ANKFN1: variants seen among roughly 807,000 people sequenced by gnomAD.
The protein encoded by ANKFN1 is ankyrin repeat and fibronectin type III domain containing 1.
ANKFN1 carries 74 observed loss-of-function variants against 108.7 expected under a neutral mutation model. The ratio of observed to expected loss-of-function variants is 0.68; its 90% CI spans 0.56 to 0.83. ANKFN1 has a LOEUF of 0.83. ANKFN1 is among the 40% of genes least tolerant of loss of function. ANKFN1 has a pLI of 0.00. For missense variants in ANKFN1, 1,505 were observed against 1,382.3 expected (o/e 1.09, Z -1.41); for synonymous variants, 547 against 516.2 (o/e 1.06, Z -0.81).
rs2051767245 is a variant in ANKFN1 at position 56,511,416 on chromosome 17, T to C, written c.*147T>C. The C allele has an allele frequency of 2.1e-6, 2 of 964,354 alleles. No individual in the cohort carries two copies. The highest frequency in any genetic ancestry group is 3.6e-5 in the South Asian group (2 of 55,622). 59.7% of individuals were successfully genotyped at this position (964,354 alleles called of 1,614,324 possible). On this transcript the variant is annotated 3_prime_UTR_variant, in exon 21 of 21. Transcript: ENST00000682825. ...AAAGGTTACAAGTTCAAGGTCCTCTTTTTTTGGAACAGAGTGGTGGGTGGA... is the reference window on the plus strand; with the variant it reads ...AAAGGTTACAAGTTCAAGGTCCTCTCTTTTTGGAACAGAGTGGTGGGTGGA...
intron 9 of ANKFN1, among the ~76,000 whole-genome samples, 157 bp downstream of exon 9, chr17:56,440,581 A>G (rs909652048): frequency 6.6e-5 from 10 of 152,202 alleles, no homozygotes; most frequent in African/African-American, 2.4e-4. Context: ...TAGAATCTGA[A>G]TTTCACAAAG....
intron 1 of ANKFN1, among the ~76,000 whole-genome samples, chr17:56,182,681 T>C (rs771703839): frequency 4.6e-5 from 7 of 152,200 alleles, no homozygotes; most frequent in Non-Finnish European, 8.8e-5. Context: ...CTAACTAAGA[T>C]AATTGGTGAA....
intron 4 of ANKFN1, among the ~76,000 whole-genome samples, chr17:56,343,387 C>A (rs2046010651): frequency 6.6e-6 from 1 of 151,834 alleles, no homozygotes; most frequent in Non-Finnish European, 1.5e-5. Context: ...TCTTGACAGT[C>A]TTTTTTGTTC....
intron 4 of ANKFN1, among the ~76,000 whole-genome samples, chr17:56,099,602 G>C (rs1488616775): frequency 1.3e-5 from 2 of 152,174 alleles, no homozygotes; most frequent in African/African-American, 4.8e-5. Flanking sequence ...GATGGGTCTT[G>C]GTATCCTGGA....
chr17:56,053,876 T>C (rs1235930312), intron 4 of ANKFN1, among the ~76,000 whole-genome samples: 1 of 152,130 alleles, frequency 6.6e-6, no homozygotes, highest in Admixed American at 6.5e-5. Context: ...TTTAAAAAAA[T>C]TATTTCAATC....
In ANKFN1 at chr17:56,312,711, A is replaced by G. The variant is rs528384118; in HGVS notation, c.54-13510A>G. 7.9e-5 allele frequency among the ~76,000 whole-genome samples: 12 copies of G among 152,308 alleles called. No individual in the cohort carries two copies. In the East Asian group the frequency reaches 1.9e-3, roughly 24 times the overall value. On this transcript the variant is annotated intron_variant, in intron 3 of 20. Coordinates refer to ENST00000682825, the MANE Select transcript of ANKFN1 (RefSeq NM_001370326.1). ...TTCATCACATATTTGTAGGGCACCCACTATGTGCTAGGCACTATGCTAAAC... is the reference window on the plus strand; with the variant it reads ...TTCATCACATATTTGTAGGGCACCCGCTATGTGCTAGGCACTATGCTAAAC...
chr17:56,050,657 C>A (rs947045967), intron 4 of ANKFN1, among the ~76,000 whole-genome samples: 1 of 151,508 alleles, frequency 6.6e-6, no homozygotes, highest in Admixed American at 6.6e-5. Context: ...GGAATCCTTT[C>A]CCCATTGCTT....
intron 1 of ANKFN1, among the ~76,000 whole-genome samples, chr17:56,166,703 A>C (rs146150668): frequency 6.6e-6 from 1 of 152,264 alleles, no homozygotes; most frequent in African/African-American, 2.4e-5. Context: ...AGCTGAGGTG[A>C]GTTCCACTCT....
chr17:56,201,063 A>G (rs1914013134), intron 1 of ANKFN1, among the ~76,000 whole-genome samples: 1 of 152,160 alleles, frequency 6.6e-6, no homozygotes, highest in Non-Finnish European at 1.5e-5. Flanking sequence ...TGCCTCCTCA[A>G]GAGTGACCCT....
chr17:56,425,055 A>G (rs1388813440), intron 8 of ANKFN1, among the ~76,000 whole-genome samples: 6 of 151,966 alleles, frequency 3.9e-5, no homozygotes. Context: ...GAGAGAGAGC[A>G]TGGCTTTTGA....
At chr17:56,458,723 C>T (rs2049799653) in intron 14 of ANKFN1, among the ~76,000 whole-genome samples, 1 of 152,086 alleles carries the variant, frequency 6.6e-6, no homozygotes, top group African/African-American at 2.4e-5. Context: ...GGATTGGAGC[C>T]ATTAAGAGAT....
intron 4 of ANKFN1, among the ~76,000 whole-genome samples, chr17:56,345,315 C>T (rs2046068309): frequency 6.6e-6 from 1 of 152,036 alleles, no homozygotes; most frequent in African/African-American, 2.4e-5. Flanking sequence ...GGGTTGGTTC[C>T]AAGTCTTTGC....
At chr17:56,310,376 G>A (rs577922045) in intron 3 of ANKFN1, among the ~76,000 whole-genome samples, 3 of 152,292 alleles carry the variant, frequency 2.0e-5, no homozygotes, top group Admixed American at 2.0e-4. Context: ...CCAGCACTTT[G>A]GGAGGCCGAG....
chr17:56,345,654 C>A (rs1241118467), intron 4 of ANKFN1, among the ~76,000 whole-genome samples: 1 of 152,134 alleles, frequency 6.6e-6, no homozygotes, highest in African/African-American at 2.4e-5. Context: ...TGATGATAAT[C>A]TTTTTTTCAT....
intron 2 of ANKFN1, among the ~76,000 whole-genome samples, chr17:56,218,567 T>C (rs1915610408): frequency 6.6e-6 from 1 of 152,168 alleles, no homozygotes; most frequent in Non-Finnish European, 1.5e-5. Context: ...CATGTTGTTT[T>C]CAGCAAAGAA....
At chr17:56,172,717 G>A (rs892105872) in intron 1 of ANKFN1, among the ~76,000 whole-genome samples, 2 of 152,210 alleles carry the variant, frequency 1.3e-5, no homozygotes, top group African/African-American at 4.8e-5. Flanking sequence ...TTGGCCTGGA[G>A]AGCCGATGTG....
chr17:56,463,227 G>A (rs2049969764), intron 14 of ANKFN1, among the ~76,000 whole-genome samples: 1 of 152,068 alleles, frequency 6.6e-6, no homozygotes, highest in South Asian at 2.1e-4. Context: ...TACTATTATG[G>A]TATTCTTTTA....
intron 6 of ANKFN1, among the ~76,000 whole-genome samples, chr17:56,361,028 T>C (rs2144718442): frequency 6.6e-6 from 1 of 152,242 alleles, no homozygotes; most frequent in East Asian, 1.9e-4. Context: ...ACTATTCTAC[T>C]CTCTGTTTCT....
intron 1 of ANKFN1, among the ~76,000 whole-genome samples, chr17:56,192,369 A>G (rs1459638339): frequency 1.3e-5 from 1 of 79,550 alleles, no homozygotes; most frequent in Admixed American, 1.6e-4. Flanking sequence ...AAACACCAAA[A>G]GCAATGGCAA....
Sources: gnomAD v4.1 joint callset for allele counts (sites outside exome capture counted in the v4.1 genomes callset) on GRCh38, gnomAD v4.1.1 for gene constraint, MANE v1.5 for transcripts, NCBI Gene and HGNC (gene_info 2026-07-23, HGNC 2026-07-21) for gene names.